Variants in SECISBP2 observed in about 807,000 individuals in gnomAD.
SECISBP2 encodes selenocysteine insertion sequence-binding protein 2.
Under a neutral mutation model 98.2 loss-of-function variants are expected in SECISBP2, and 96 were observed. That is an observed-to-expected ratio of 0.98 (90% confidence interval 0.83 to 1.16). The LOEUF is 1.16. Ranked by LOEUF, SECISBP2 falls within the 50% of genes most tolerant of loss-of-function variation. The pLI is 0.00. For missense variants in SECISBP2, 1,046 were observed against 1,022.9 expected (o/e 1.02, Z -0.31); for synonymous variants, 407 against 370.2 (o/e 1.10, Z -1.14).
chr9:89,323,976 C>T (rs1406901452), intron 2 of SECISBP2: 3 of 152,192 alleles, frequency 2.0e-5, no homozygotes, highest in East Asian at 1.9e-4. Context: ...TGACAGCAGC[C>T]GTCAAAACCA....
chr9:89,363,025 C>T (rs1377975041), downstream of SECISBP2, among the ~76,000 whole-genome samples: 1 of 152,214 alleles, frequency 6.6e-6, no homozygotes, highest in Non-Finnish European at 1.5e-5. Context: ...ACAGGTGCCT[C>T]AGGTGAGGCA....
intron 10 of SECISBP2, among the ~76,000 whole-genome samples, chr9:89,344,670 T>G (rs1398271706): frequency 6.6e-6 from 1 of 152,238 alleles, no homozygotes; most frequent in Admixed American, 6.5e-5. Context: ...TTTGATTTCT[T>G]TGTTGTTTTT....
At chr9:89,323,945 C>T (rs1826239554) in intron 2 of SECISBP2, 1 of 152,302 alleles carries the variant, frequency 6.6e-6, no homozygotes, top group Middle Eastern at 3.4e-3. Flanking sequence ...TCTCCTGACT[C>T]CTGGATGAAA....
chr9:89,338,590 TA>T lies in SECISBP2; in HGVS notation c.1212+11del. On this transcript the variant is annotated intron_variant, in intron 8 of 16. Coordinates refer to ENST00000375807, the MANE Select transcript of SECISBP2 (RefSeq NM_024077.5). ...GCCTCCAAGGATTGAAGTACATTTA[TA>T]TTTTTTATTCACATGGTGTGATATA... The T allele has an allele frequency of 1.2e-6, 2 of 1,610,568 alleles. No homozygotes were observed. Among genetic ancestry groups the T allele is most frequent in the Non-Finnish European group, 8.5e-7 (1 of 1,179,054 alleles).
intron 6 of SECISBP2, chr9:89,334,061 C>T (rs1471142324): frequency 2.7e-6 from 3 of 1,103,804 alleles, no homozygotes; most frequent in East Asian, 7.7e-5. Context: ...TGTTGCTGTA[C>T]TTATGCCTCT....
chr9:89,358,158 C>G lies in SECISBP2; in HGVS notation c.2428C>G (p.Pro810Ala). Residue 810 changes from proline to alanine, a missense_variant, in exon 16 of 17, where the codon CCA becomes GCA. By Grantham distance (27) the Pro-to-Ala change is conservative. Coordinates refer to ENST00000375807, the MANE Select transcript of SECISBP2 (RefSeq NM_024077.5). The stretch of plus-strand genomic sequence containing the variant: ...CAGCTGCCCTGCAGAAGATGGCCCC[C>G]CAGCCCTGAAAGAAAAAGAAGAGCC... ...GPSCPAEDGP[P>A]ALKEKEEPHY... The G allele has an allele frequency of 6.2e-7, 1 of 1,613,644 alleles. No individual in the cohort carries two copies. Among genetic ancestry groups the G allele is most frequent in the South Asian group, 1.1e-5 (1 of 90,996 alleles).
intron 5 of SECISBP2, 120 bp downstream of exon 5, chr9:89,329,006 A>G (rs1827263792): frequency 1.2e-6 from 1 of 823,404 alleles, no homozygotes; most frequent in Non-Finnish European, 2.0e-6. Flanking sequence ...GGGAGGATGT[A>G]TTGGGGGAAG....
At chr9:89,362,147 G>T, downstream of SECISBP2, 1 of 595,880 alleles carries the variant, frequency 1.7e-6, no homozygotes, top group South Asian at 2.1e-5. Flanking sequence ...GCTTGTGCCA[G>T]ACAGAACTTA....
rs1452609430 is a variant in SECISBP2 at position 89,318,773 on chromosome 9, C to T, written c.36+161C>T. The T allele has an allele frequency of 5.6e-6, 7 of 1,249,814 alleles. No individual in the cohort carries two copies. In the East Asian group the frequency reaches 1.9e-4, roughly 34 times the overall value. 77.4% of individuals were successfully genotyped at this position (1,249,814 alleles called of 1,614,324 possible). A position where few individuals can be genotyped will look rare whatever the true frequency, so the allele number is the denominator to read the frequency against. ...GGGTGGCCGCGATCTTCGCGCCCCG[C>T]CTCGGGTCCGCCTTGGGGTGGCGGT... On this transcript the variant is annotated intron_variant, in intron 1 of 16. Coordinates refer to ENST00000375807, the MANE Select transcript of SECISBP2 (RefSeq NM_024077.5).
At chr9:89,357,667 A>C in intron 15 of SECISBP2, 102 bp downstream of exon 15, 1 of 1,434,436 alleles carries the variant, frequency 7.0e-7, no homozygotes, top group Non-Finnish European at 9.8e-7. Flanking sequence ...CAGAACCTCC[A>C]GTAGGCTGTC....
intron 13 of SECISBP2, 40 bp from the exon 14 acceptor site, chr9:89,350,592 A>G: frequency 1.3e-6 from 2 of 1,564,720 alleles, no homozygotes; most frequent in Non-Finnish European, 1.8e-6. Context: ...GCAGTGTCAC[A>G]GCCAGTGGCA....
downstream of SECISBP2, chr9:89,363,444 A>C: frequency 6.2e-7 from 1 of 1,613,578 alleles, no homozygotes; most frequent in Non-Finnish European, 8.5e-7. Flanking sequence ...GCCTTCCTCC[A>C]GCTCTGCATC....
At chr9:89,347,465 CTTTTTTTTTT>C (rs1184563393) in intron 11 of SECISBP2, among the ~76,000 whole-genome samples, 5 of 87,394 alleles carry the variant, frequency 5.7e-5, no homozygotes, top group African/African-American at 1.3e-4. Context: ...CCGGTGAATT[CTTTTTTTTTT>C]TTTTTTTTTT....
intron 2 of SECISBP2, 113 bp from the exon 3 acceptor site, chr9:89,325,314 T>C (rs1826502723): frequency 1.0e-6 from 1 of 976,704 alleles, no homozygotes. Flanking sequence ...ATTCCAGTGC[T>C]AGAGTGAATG....
intron 10 of SECISBP2, among the ~76,000 whole-genome samples, chr9:89,344,108 G>T (rs140939521): frequency 6.9e-4 from 105 of 152,226 alleles, no homozygotes; most frequent in African/African-American, 2.4e-3. Context: ...TGTTGGCCAC[G>T]TGTATGTCTC....
chr9:89,357,530 A>G lies in SECISBP2; in HGVS notation c.2233A>G (p.Ser745Gly). 6.2e-7 allele frequency: 1 copy of G among 1,614,154 alleles called. No homozygotes were observed. Among genetic ancestry groups the G allele is most frequent in the Non-Finnish European group, 8.5e-7 (1 of 1,180,034 alleles). The stretch of plus-strand genomic sequence containing the variant: ...CAGTTTGAATAAGGCAGTTCCTGTC[A>G]GTGTGGTGGGGATCTTCAGCTATGA... ...GRSLNKAVPV[S>G]VVGIFSYDGA... Residue 745 changes from serine to glycine, a missense_variant, in exon 15 of 17, where the codon AGT becomes GGT. By Grantham distance (56) the Ser-to-Gly change is moderately conservative (BLOSUM62 0). Coordinates refer to ENST00000375807, the MANE Select transcript of SECISBP2 (RefSeq NM_024077.5).
At chr9:89,362,106 T>C (rs1291044429), downstream of SECISBP2, 2 of 560,562 alleles carry the variant, frequency 3.6e-6, no homozygotes, top group Admixed American at 3.0e-5. Flanking sequence ...CACGAGCAGC[T>C]ATCAAAGCCT....
chr9:89,356,018 T>G (rs1476032203), intron 14 of SECISBP2, among the ~76,000 whole-genome samples: 1 of 152,254 alleles, frequency 6.6e-6, no homozygotes, highest in African/African-American at 2.4e-5. Flanking sequence ...AAATCCCGTC[T>G]GTAGTAACTT....
At chr9:89,342,585 C>T (rs1217866340) in intron 10 of SECISBP2, among the ~76,000 whole-genome samples, 1 of 152,094 alleles carries the variant, frequency 6.6e-6, no homozygotes, top group Non-Finnish European at 1.5e-5. Flanking sequence ...TAATATGCAA[C>T]CTTAAAAAAG....
Sources: allele counts gnomAD v4.1 joint callset (sites outside exome capture counted in the v4.1 genomes callset), GRCh38; gene constraint gnomAD v4.1.1; transcripts MANE v1.5; gene names NCBI Gene and HGNC (gene_info 2026-07-23, HGNC 2026-07-21).